The following RASGRF1 variants were observed in gnomAD, a reference collection of about 807,000 sequenced individuals.
The protein encoded by RASGRF1 is ras-specific guanine nucleotide-releasing factor 1.
RASGRF1 carries 40 observed loss-of-function variants against 138.7 expected under a neutral mutation model. That is an observed-to-expected ratio of 0.29 (90% CI 0.22 to 0.38). RASGRF1 has a LOEUF of 0.38. Ranked by LOEUF, RASGRF1 falls within the 10% of genes least tolerant of loss-of-function variation. The pLI is 1.00. For synonymous variants in RASGRF1, 614 were observed against 663.2 expected, an observed-to-expected ratio of 0.93 and a Z score of 1.14; for missense variants, 1,108 against 1,650.4, an observed-to-expected ratio of 0.67 and a Z score of 5.69.
In RASGRF1 at chr15:79,090,214, T is replaced by A. The variant is rs892113721; in HGVS notation, c.276+9A>T. The A allele has an allele frequency of 6.3e-7, 1 of 1,593,730 alleles. No individual in the cohort carries two copies. Among genetic ancestry groups the A allele is most frequent in the African/African-American group, 1.3e-5 (1 of 74,414 alleles). Reference sequence around the variant, plus strand: ...ACGCAGGGAGGTCAGGACGCGACGCTCGCCTCACCTGTTTCTCCAGCGGCT... The same window carrying A: ...ACGCAGGGAGGTCAGGACGCGACGCACGCCTCACCTGTTTCTCCAGCGGCT... On this transcript the variant is annotated intron_variant, in intron 1 of 26. Coordinates refer to ENST00000558480, the MANE Select transcript of RASGRF1 (RefSeq NM_001145648.3).
intron 1 of RASGRF1, among the ~76,000 whole-genome samples, chr15:79,078,666 C>A (rs1172485480): frequency 6.6e-6 from 1 of 152,210 alleles, no homozygotes. Context: ...CAGGACCCCA[C>A]TTTGTGACCT....
At chr15:79,026,491 T>C (rs965187955) in intron 9 of RASGRF1, among the ~76,000 whole-genome samples, 4 of 152,082 alleles carry the variant, frequency 2.6e-5, no homozygotes, top group Non-Finnish European at 5.9e-5. Context: ...CTCTGTACCA[T>C]AGGCTTCCGG....
intron 24 of RASGRF1, chr15:78,978,766 C>G (rs910792051): frequency 4.1e-5 from 46 of 1,120,142 alleles, no homozygotes; most frequent in Non-Finnish European, 5.0e-5. Flanking sequence ...GTGCGGGAAG[C>G]ATTTGCCCCA....
chr15:78,964,147 A>G (rs186788229), intron 26 of RASGRF1, among the ~76,000 whole-genome samples: 34 of 152,200 alleles, frequency 2.2e-4, no homozygotes, highest in Admixed American at 1.5e-3. Context: ...AGTTAATGAA[A>G]GAAGTCTGAG....
At chr15:79,007,286 G>C (rs1010423885) in intron 13 of RASGRF1, among the ~76,000 whole-genome samples, 4 of 152,196 alleles carry the variant, frequency 2.6e-5, no homozygotes, top group African/African-American at 4.8e-5. Flanking sequence ...CAGTGGCCCT[G>C]AAGGCTGCTG....
At chr15:78,990,014 A>G in intron 22 of RASGRF1, 175 bp downstream of exon 22, 1 of 629,642 alleles carries the variant, frequency 1.6e-6, no homozygotes, top group Non-Finnish European at 2.8e-6. Flanking sequence ...ATAGGAGAAG[A>G]GACTGAGACT....
At chr15:79,029,341 C>A (rs1595918318) in intron 8 of RASGRF1, among the ~76,000 whole-genome samples, 1 of 152,204 alleles carries the variant, frequency 6.6e-6, no homozygotes, top group South Asian at 2.1e-4. Context: ...GTAATTAAAA[C>A]CACTTCTCTT....
Position 79,017,812 on chromosome 15 carries a change from C to G in RASGRF1, c.1701G>C (p.Ser567=). 6.2e-7 allele frequency: 1 copy of G among 1,612,342 alleles called. No homozygotes were observed. Among genetic ancestry groups the G allele is most frequent in the Non-Finnish European group, 8.5e-7 (1 of 1,179,354 alleles). ...TCCACGCTGCCTTCTCCTGTCTGGA[C>G]GAGGCCACTAGGATGACTGTAAAGG... is the stretch of plus-strand genomic sequence containing the variant. ...SPPFTVILVA[S]SRQEKAAWTS... The change falls in exon 12 of 27, where the codon TCG becomes TCC. Residue 567 remains serine, a synonymous_variant. Transcript: ENST00000558480.
intron 3 of RASGRF1, among the ~76,000 whole-genome samples, chr15:79,055,620 C>T (rs1254800534): frequency 6.6e-6 from 1 of 152,086 alleles, no homozygotes; most frequent in Non-Finnish European, 1.5e-5. Flanking sequence ...GACTGACCTG[C>T]TTTCTGCTCC....
intron 1 of RASGRF1, among the ~76,000 whole-genome samples, chr15:79,085,375 G>A (rs1352493526): frequency 6.6e-6 from 1 of 152,152 alleles, no homozygotes; most frequent in East Asian, 1.9e-4. Context: ...GGTGGCTCTG[G>A]GTTAGAGGGG....
At chr15:79,078,642 G>T (rs2057872520) in intron 1 of RASGRF1, among the ~76,000 whole-genome samples, 1 of 152,096 alleles carries the variant, frequency 6.6e-6, no homozygotes, top group African/African-American at 2.4e-5. Flanking sequence ...TCCTGATGTG[G>T]CTTCATGCAG....
rs1595889559 is a variant in RASGRF1 at position 79,002,553 on chromosome 15, A to G, written c.2450-766T>C. ...ATTTATACATAACAAATACACATAC[A>G]CACACATATACACACACACACAGTT... On this transcript the variant is annotated intron_variant, in intron 15 of 26. Coordinates refer to ENST00000558480, the MANE Select transcript of RASGRF1 (RefSeq NM_001145648.3). 2.0e-5 allele frequency among the ~76,000 whole-genome samples: 3 copies of G among 152,274 alleles called. No individual in the cohort carries two copies. The South Asian group carries it at 6.2e-4, about 32-fold the overall frequency.
rs569376580 is a variant in RASGRF1, at chr15:78,985,214, G to A, written c.3217-10C>T. 5.7e-6 allele frequency: 9 copies of A among 1,575,024 alleles called. No individual in the cohort carries two copies. The highest frequency in any genetic ancestry group is 3.3e-5 in the Admixed American group (2 of 59,724). On this transcript the variant is annotated splice_polypyrimidine_tract_variant and intron_variant, in intron 22 of 26. Transcript: ENST00000558480. ...CAATCAAGTTACTGATCTTTAAGCC[G>A]ATGCAATAAGACAGGGAAAAAGAGG...
chr15:79,089,785 C>A (rs1469661640), intron 1 of RASGRF1, among the ~76,000 whole-genome samples: 1 of 152,268 alleles, frequency 6.6e-6, no homozygotes, highest in Non-Finnish European at 1.5e-5. Flanking sequence ...CCTTCCCATG[C>A]CTAAGCGCGG....
At chr15:78,975,399 A>C (rs1314359064) in intron 24 of RASGRF1, among the ~76,000 whole-genome samples, 1 of 128,016 alleles carries the variant, frequency 7.8e-6, no homozygotes, top group African/African-American at 3.6e-5. Flanking sequence ...GTGATTAAAA[A>C]AAAAAAGAAA....
At chr15:78,979,309 G>T in intron 24 of RASGRF1, 1 of 748,210 alleles carries the variant, frequency 1.3e-6, no homozygotes. Flanking sequence ...GGAGGCAGAC[G>T]AGGCTGGCAG....
intron 1 of RASGRF1, among the ~76,000 whole-genome samples, chr15:79,079,622 A>G (rs2057887870): frequency 6.6e-6 from 1 of 151,970 alleles, no homozygotes; most frequent in Admixed American, 6.5e-5. Context: ...ATGCATATAG[A>G]CAGACAGATG....
chr15:79,015,200 A>AC (rs1439442945), intron 13 of RASGRF1, 127 bp downstream of exon 13: 1 of 814,142 alleles, frequency 1.2e-6, no homozygotes, highest in Non-Finnish European at 1.9e-6. Flanking sequence ...CATCCAAAAC[A>AC]CCCCCAAAGA....
At chr15:79,088,825 G>A (rs1253747849) in intron 1 of RASGRF1, among the ~76,000 whole-genome samples, 1 of 152,228 alleles carries the variant, frequency 6.6e-6, no homozygotes, top group Non-Finnish European at 1.5e-5. Context: ...GAAGCTTAAG[G>A]AGCTGCCTGC....
Sources: allele counts gnomAD v4.1 joint callset (sites outside exome capture counted in the v4.1 genomes callset), GRCh38; gene constraint gnomAD v4.1.1; transcripts MANE v1.5; gene names NCBI Gene and HGNC (gene_info 2026-07-23, HGNC 2026-07-21).